LPAR1: variants seen among roughly 807,000 people sequenced by gnomAD.
The protein encoded by LPAR1 is LPA receptor 1.
A neutral mutation model predicts 23.8 loss-of-function variants in LPAR1; 5 were observed. The ratio of observed to expected loss-of-function variants is 0.21; its 90% CI spans 0.11 to 0.44. LPAR1 has a LOEUF of 0.44. Ranked by LOEUF, LPAR1 falls within the 20% of genes least tolerant of loss-of-function variation. The probability of loss-of-function intolerance (pLI) is 0.99; values close to 1 mark genes in which losing one functional copy is unlikely to be tolerated. For synonymous variants in LPAR1, 160 were observed against 164.7 expected, an observed-to-expected ratio of 0.97 and a Z score of 0.22; for missense variants, 311 against 482.8, an observed-to-expected ratio of 0.64 and a Z score of 3.33.
rs2078684260 is a variant in LPAR1, at chr9:110,874,398, T to C, written c.*1023A>G. The C allele has an allele frequency of 6.6e-6, 1 of 152,662 alleles. No homozygotes were observed. Among genetic ancestry groups the C allele is most frequent in the Non-Finnish European group, 1.5e-5 (1 of 68,036 alleles). The allele number at this position is 152,662 out of a possible 1,614,324, so 9.5% of individuals were successfully genotyped here. A position where few individuals can be genotyped will look rare whatever the true frequency, so the allele number is the denominator to read the frequency against. The stretch of plus-strand genomic sequence containing the variant: ...ACTGTTTACAGTATGACTCCAATTA[T>C]GTAAAAAAAGTATACAATACACATA... On this transcript the variant is annotated 3_prime_UTR_variant, in exon 6 of 6. Coordinates refer to ENST00000683809, the MANE Select transcript of LPAR1 (RefSeq NM_001351411.2).
At chr9:110,912,302 C>T (rs1290827081) in intron 5 of LPAR1, among the ~76,000 whole-genome samples, 1 of 152,182 alleles carries the variant, frequency 6.6e-6, no homozygotes, top group Non-Finnish European at 1.5e-5. Context: ...AACTTGTGAG[C>T]TTGAACATTG....
In LPAR1 at chr9:110,957,339, C is replaced by CAAA. The variant is rs35370181; in HGVS notation, c.45+14731_45+14733dup. On this transcript the variant is annotated intron_variant, in intron 4 of 5. Coordinates refer to ENST00000683809, the MANE Select transcript of LPAR1 (RefSeq NM_001351411.2). ...TAGGTGATAGAGTGATACTCTGTCT[C>CAAA]AAAAAAAAAAAAATAATAATAATAA... Among the ~76,000 whole-genome samples, 357 of 140,424 alleles carry CAAA rather than the reference C, an allele frequency of 2.5e-3. 2 individuals are homozygous for CAAA. Among genetic ancestry groups the CAAA allele is most frequent in the African/African-American group, 9.6e-3 (351 of 36,700 alleles). 92.1% of individuals were successfully genotyped at this position (140,424 alleles called of 152,430 possible). A position where few individuals can be genotyped will look rare whatever the true frequency, so the allele number is the denominator to read the frequency against.
intron 5 of LPAR1, among the ~76,000 whole-genome samples, chr9:110,881,266 T>C (rs907435983): frequency 1.3e-5 from 2 of 152,202 alleles, no homozygotes; most frequent in African/African-American, 2.4e-5. Context: ...CATGATTTCA[T>C]TTATTGTATG....
chr9:110,939,164 C>T (rs2094925898), intron 5 of LPAR1, among the ~76,000 whole-genome samples: 1 of 152,176 alleles, frequency 6.6e-6, no homozygotes, highest in Non-Finnish European at 1.5e-5. Flanking sequence ...AGGATGGACA[C>T]TTACAATTCA....
At chr9:110,883,096 G>C (rs1588122019) in intron 5 of LPAR1, among the ~76,000 whole-genome samples, 3 of 152,284 alleles carry the variant, frequency 2.0e-5, no homozygotes, top group African/African-American at 7.2e-5. Context: ...CTGGAGTGCA[G>C]TGGCATGATC....
intron 2 of LPAR1, among the ~76,000 whole-genome samples, chr9:111,024,960 T>C (rs1426382409): frequency 1.3e-5 from 2 of 152,174 alleles, no homozygotes; most frequent in East Asian, 1.9e-4. Flanking sequence ...TGATGGGCAT[T>C]TGGGTTGGTT....
intron 4 of LPAR1, among the ~76,000 whole-genome samples, chr9:110,959,273 G>GGTAAGGA (rs1320477172): frequency 6.7e-6 from 1 of 150,128 alleles, no homozygotes; most frequent in Non-Finnish European, 1.5e-5. Context: ...AGACAGAGAA[G>GGTAAGGA]GTAAGGATGG....
intron 2 of LPAR1, among the ~76,000 whole-genome samples, chr9:111,005,300 G>A (rs567788998): frequency 8.6e-5 from 13 of 151,370 alleles, no homozygotes; most frequent in East Asian, 5.9e-4. Flanking sequence ...TGGGCCAGGC[G>A]TGACGGCTCA....
In LPAR1 at chr9:110,961,354, C is replaced by T. The variant is rs184749023; in HGVS notation, c.45+10719G>A. On this transcript the variant is annotated intron_variant, in intron 4 of 5. Transcript: ENST00000683809. ...AGAGGTTTAGGGCCAGGCACGGTGGCTCACACCTGTAATCCCAGCACTTTG... is the reference window on the plus strand; with the variant it reads ...AGAGGTTTAGGGCCAGGCACGGTGGTTCACACCTGTAATCCCAGCACTTTG... Among the ~76,000 whole-genome samples, 13 of 151,720 alleles carry T rather than the reference C, an allele frequency of 8.6e-5. No homozygotes were observed. In the East Asian group the frequency reaches 1.6e-3, roughly 18 times the overall value.
chr9:111,014,530 G>C (rs1046398305), intron 2 of LPAR1, among the ~76,000 whole-genome samples: 10 of 151,856 alleles, frequency 6.6e-5, no homozygotes, highest in East Asian at 1.9e-4. Flanking sequence ...CTTAACACTA[G>C]ACCCATCCTC....
At chr9:110,985,689 G>C (rs1200325965) in intron 2 of LPAR1, among the ~76,000 whole-genome samples, 2 of 152,034 alleles carry the variant, frequency 1.3e-5, no homozygotes, top group Non-Finnish European at 2.9e-5. Context: ...CTGATGGAGA[G>C]GAATGCTATC....
In LPAR1 at chr9:110,928,739, A is replaced by C. The variant is rs531753742; in HGVS notation, c.793+12682T>G. On this transcript the variant is annotated intron_variant, in intron 5 of 5. Transcript: ENST00000683809. ...CCTCTCAGACTGGACCAATATACAA[A>C]GGAGTACCACGTGCTTGGCAAGGTT... Among the ~76,000 whole-genome samples the C allele has an allele frequency of 6.1e-4, 93 of 152,282 alleles. 1 individual carries two copies. The South Asian group carries it at 0.018, about 30-fold the overall frequency.
intron 5 of LPAR1, 30 bp from the exon 6 acceptor site, chr9:110,875,752 ATT>A: frequency 7.8e-7 from 1 of 1,286,734 alleles, no homozygotes; most frequent in Non-Finnish European, 1.0e-6. Context: ...GATCAGAAGG[ATT>A]TTTAAAAAGA....
In LPAR1 at chr9:110,972,155, A is replaced by C. The variant is rs2096445159; in HGVS notation, c.-38T>G. 2 of 1,599,134 alleles carry C rather than the reference A, an allele frequency of 1.3e-6. No homozygotes were observed. Among genetic ancestry groups the C allele is most frequent in the Non-Finnish European group, 1.7e-6 (2 of 1,166,544 alleles). On this transcript the variant is annotated 5_prime_UTR_variant, in exon 4 of 6. Transcript: ENST00000683809. The stretch of plus-strand genomic sequence containing the variant: ...GTTGTAGGTGGTGAACACGCCCCAG[A>C]ACTACGGGAGACAAATTTTCTTGTT...
At position 110,941,530 on chromosome 9, in the gene LPAR1, G is replaced by T. The variant is rs758950635; in HGVS notation, c.684C>A (p.Ile228=). ...FVVMVVLYAH[I]FGYVRQRTMR... is the part of the protein sequence containing the mutation. ...TAGTCCTCTGGCGAACATAGCCAAAGATGTGAGCATAGAGAACCACCATTA... is the reference window on the plus strand; with the variant it reads ...TAGTCCTCTGGCGAACATAGCCAAATATGTGAGCATAGAGAACCACCATTA... The change falls in exon 5 of 6, where the codon ATC becomes ATA. Residue 228 remains isoleucine (I), a synonymous_variant. Transcript: ENST00000683809. This position sits in a 1 kb window ranked among gnomAD's most constrained non-coding sequence, Gnocchi z 6.1. 6.2e-7 allele frequency: 1 copy of T among 1,614,138 alleles called. No homozygotes were observed. Among genetic ancestry groups the T allele is most frequent in the East Asian group, 2.2e-5 (1 of 44,880 alleles).
intron 5 of LPAR1, among the ~76,000 whole-genome samples, chr9:110,940,142 G>GTTA (rs1284897118): frequency 2.0e-5 from 3 of 152,152 alleles, no homozygotes; most frequent in Non-Finnish European, 4.4e-5. Context: ...TAGTTAGGCA[G>GTTA]GGTTTTAGGT....
chr9:110,937,432 C>T (rs943812684), intron 5 of LPAR1, among the ~76,000 whole-genome samples: 3 of 152,160 alleles, frequency 2.0e-5, no homozygotes, highest in Admixed American at 6.5e-5. Flanking sequence ...CTTGAATCCC[C>T]GTTCCTATAC....
intron 5 of LPAR1, among the ~76,000 whole-genome samples, chr9:110,885,730 T>C (rs2132817865): frequency 6.6e-6 from 1 of 152,354 alleles, no homozygotes. Context: ...TTCTGATTTC[T>C]ACCCAGCTCT....
At chr9:110,979,221 G>A (rs1315530271) in intron 2 of LPAR1, among the ~76,000 whole-genome samples, 1 of 151,446 alleles carries the variant, frequency 6.6e-6, no homozygotes, top group Non-Finnish European at 1.5e-5. Context: ...AATTTTATAT[G>A]TCAATTTTTA....
Sources: allele counts gnomAD v4.1 joint callset (sites outside exome capture counted in the v4.1 genomes callset), GRCh38; gene constraint gnomAD v4.1.1; non-coding constraint Gnocchi (gnomAD v3.1); transcripts MANE v1.5; gene names NCBI Gene and HGNC (gene_info 2026-07-23, HGNC 2026-07-21).